Variants in NRG1 observed in about 807,000 individuals in gnomAD.
The protein encoded by NRG1 is pro-neuregulin-1, membrane-bound isoform.
A neutral mutation model predicts 63.8 loss-of-function variants in NRG1; 18 were observed. That is an observed-to-expected ratio of 0.28 (90% CI 0.19 to 0.42). The LOEUF (loss-of-function observed/expected upper bound fraction) is 0.42. Ranked by LOEUF, NRG1 falls within the 10% of genes least tolerant of loss-of-function variation. The probability of loss-of-function intolerance (pLI) is 1.00; values close to 1 mark genes in which losing one functional copy is unlikely to be tolerated. For synonymous variants in NRG1, 302 were observed against 301.3 expected, an observed-to-expected ratio of 1.00 and a Z score of -0.02; for missense variants, 762 against 814.7, an observed-to-expected ratio of 0.94 and a Z score of 0.79.
chr8:31,896,206 A>C (rs906834572), intron 1 of NRG1, among the ~76,000 whole-genome samples: 4 of 152,204 alleles, frequency 2.6e-5, no homozygotes, highest in African/African-American at 9.6e-5. Flanking sequence ...CATTCTAAAC[A>C]CATTGTTAAT....
intron 1 of NRG1, among the ~76,000 whole-genome samples, chr8:32,520,819 C>T (rs1003166665): frequency 5.3e-5 from 8 of 152,170 alleles, no homozygotes; most frequent in East Asian, 1.9e-4. Flanking sequence ...AGTGAAATCT[C>T]GCCCATCCTG....
chr8:32,749,497 T>A, intron 7 of NRG1: 1 of 1,527,004 alleles, frequency 6.5e-7, no homozygotes, highest in Non-Finnish European at 9.1e-7. Context: ...GAGTGCAGTG[T>A]ATTGCTCTTT....
At chr8:32,074,038 T>C (rs1338937956) in intron 1 of NRG1, among the ~76,000 whole-genome samples, 1 of 152,180 alleles carries the variant, frequency 6.6e-6, no homozygotes, top group East Asian at 1.9e-4. Context: ...TTAATTAAGG[T>C]AACTAAGGTT....
chr8:32,483,491 T>C (rs763650789), intron 1 of NRG1, among the ~76,000 whole-genome samples: 7 of 152,212 alleles, frequency 4.6e-5, no homozygotes, highest in Non-Finnish European at 1.0e-4. Context: ...TAGTCTGGAC[T>C]TAGAGCAAAG....
chr8:32,071,532 A>G (rs1825759955), intron 1 of NRG1, among the ~76,000 whole-genome samples: 1 of 152,220 alleles, frequency 6.6e-6, no homozygotes, highest in African/African-American at 2.4e-5. Flanking sequence ...TTTCTAAATC[A>G]TTCATGGCCC....
chr8:32,176,016 C>T (rs1345490351), intron 1 of NRG1, among the ~76,000 whole-genome samples: 1 of 152,176 alleles, frequency 6.6e-6, no homozygotes, highest in Non-Finnish European at 1.5e-5. Flanking sequence ...AAAGAGCCTG[C>T]ATTGCCAAGT....
At chr8:31,874,265 A>G (rs567327767) in intron 1 of NRG1, among the ~76,000 whole-genome samples, 16 of 152,374 alleles carry the variant, frequency 1.1e-4, no homozygotes, top group African/African-American at 3.6e-4. Flanking sequence ...GCCATAAATA[A>G]GAGACTTAAT....
intron 1 of NRG1, among the ~76,000 whole-genome samples, chr8:32,118,314 C>T (rs780115991): frequency 1.6e-3 from 246 of 152,058 alleles, no homozygotes; most frequent in Admixed American, 5.5e-3. Context: ...TCCCCCGACT[C>T]GCCGCAGAGC....
At chr8:32,383,941 A>T (rs1346053468) in intron 1 of NRG1, among the ~76,000 whole-genome samples, 1 of 152,158 alleles carries the variant, frequency 6.6e-6, no homozygotes, top group South Asian at 2.1e-4. Flanking sequence ...GTGAGTTATA[A>T]ACTGTAAATG....
chr8:32,044,913 C>CAAAAAA lies in NRG1; in HGVS notation c.37+405495_37+405500dup. 9.6e-3 allele frequency among the ~76,000 whole-genome samples: 545 copies of CAAAAAA among 56,960 alleles called. 22 individuals are homozygous for CAAAAAA. Among genetic ancestry groups the CAAAAAA allele is most frequent in the South Asian group, 0.018 (20 of 1,104 alleles). The allele number at this position is 56,960 out of a possible 152,430, so 37.4% of individuals were successfully genotyped here. A position where few individuals can be genotyped will look rare whatever the true frequency, so the allele number is the denominator to read the frequency against. ...CCTTAAGAACTTACATAAAGAAAAGCAAAAAAAAAAAAAAAAAACACACAC... is the reference window on the plus strand; with the variant it reads ...CCTTAAGAACTTACATAAAGAAAAGCAAAAAAAAAAAAAAAAAAAAAAAACACACAC... On this transcript the variant is annotated intron_variant, in intron 1 of 10. Coordinates refer to the NRG1 transcript ENST00000519301.
intron 1 of NRG1, among the ~76,000 whole-genome samples, chr8:31,761,735 G>A (rs13279016): frequency 0.75 from 113,586 of 152,016 alleles, 42,873 homozygotes; most frequent in East Asian, 0.99. Context: ...ATCATTGATC[G>A]CAGATTACCA....
At chr8:31,836,237 A>T (rs1825677793) in intron 1 of NRG1, among the ~76,000 whole-genome samples, 1 of 152,208 alleles carries the variant, frequency 6.6e-6, no homozygotes, top group South Asian at 2.1e-4. Context: ...TTTGAAGATT[A>T]TCGTGGTAAG....
intron 1 of NRG1, among the ~76,000 whole-genome samples, chr8:32,347,638 G>A (rs988567797): frequency 3.9e-5 from 6 of 152,204 alleles, no homozygotes; most frequent in East Asian, 1.9e-4. Flanking sequence ...GTCTGTAGCC[G>A]TGTTGTTGCT....
chr8:31,886,266 C>T (rs1439221620), intron 1 of NRG1, among the ~76,000 whole-genome samples: 1 of 152,014 alleles, frequency 6.6e-6, no homozygotes, highest in African/African-American at 2.4e-5. Flanking sequence ...TCATTATTAA[C>T]AGTGTGGAAA....
At chr8:32,090,088 C>T (rs868549933) in intron 1 of NRG1, among the ~76,000 whole-genome samples, 1 of 152,170 alleles carries the variant, frequency 6.6e-6, no homozygotes. Flanking sequence ...CAGGTTCATA[C>T]ATAGAGTCCA....
intron 1 of NRG1, among the ~76,000 whole-genome samples, chr8:32,087,558 C>CAA (rs1828429877): frequency 3.2e-5 from 4 of 126,146 alleles, no homozygotes; most frequent in Non-Finnish European, 6.3e-5. Flanking sequence ...GCAACCTTCG[C>CAA]CTCCCGGGTT....
chr8:32,351,740 A>T (rs1450724428), intron 1 of NRG1, among the ~76,000 whole-genome samples: 1 of 152,190 alleles, frequency 6.6e-6, no homozygotes, highest in African/African-American at 2.4e-5. Flanking sequence ...CCCTGACCTG[A>T]CAATGGACTA....
At chr8:32,404,133 G>A (rs1418025677) in intron 1 of NRG1, among the ~76,000 whole-genome samples, 2 of 152,202 alleles carry the variant, frequency 1.3e-5, no homozygotes, top group African/African-American at 4.8e-5. Context: ...CAGATGAAGA[G>A]AGAAGACCCT....
At chr8:32,468,684 A>T (rs914413926) in intron 1 of NRG1, among the ~76,000 whole-genome samples, 7 of 150,750 alleles carry the variant, frequency 4.6e-5, no homozygotes, top group African/African-American at 1.5e-4. Context: ...ACTAATTAGT[A>T]TCTACTTAAA....
Sources: gnomAD v4.1 joint callset for allele counts (sites outside exome capture counted in the v4.1 genomes callset) on GRCh38, gnomAD v4.1.1 for gene constraint, MANE v1.5 for transcripts, NCBI Gene and HGNC (gene_info 2026-07-23, HGNC 2026-07-21) for gene names.